AOX1: variants seen among roughly 807,000 people sequenced by gnomAD.
AOX1 encodes the protein aldehyde oxidase 1.
In AOX1, 153 loss-of-function variants were observed where a neutral mutation model predicts 169.5. The ratio of observed to expected loss-of-function variants is 0.90; its 90% CI spans 0.79 to 1.03. AOX1 has a LOEUF of 1.03. Among genes scored for constraint, AOX1 ranks in the 50% least tolerant of loss-of-function variants. The pLI, the probability that AOX1 is intolerant of heterozygous loss-of-function variation, is 0.00. For missense variants in AOX1, 1,656 were observed against 1,663.9 expected (o/e 1.00, Z 0.08); for synonymous variants, 562 against 581.9 (o/e 0.97, Z 0.49).
At chr2:200,594,985 A>C (rs2034251058) in intron 2 of AOX1, among the ~76,000 whole-genome samples, 1 of 152,214 alleles carries the variant, frequency 6.6e-6, no homozygotes, top group Non-Finnish European at 1.5e-5. Context: ...TCAAGTGCTT[A>C]CACATATAGA....
In AOX1 at chr2:200,636,935, C is replaced by T. The variant is rs2035245350; in HGVS notation, c.2371C>T (p.Leu791Phe). The change falls in exon 22 of 35, where the codon CTC becomes TTC. Residue 791 changes from leucine (L) to phenylalanine (F), a missense_variant. Physicochemically the swap from Leu to Phe is conservative, Grantham distance 22 (BLOSUM62 0). Transcript: ENST00000374700. ...IQDIVASTLKLPANKVMCHVR... is the reference protein window; with the variant it reads ...IQDIVASTLKFPANKVMCHVR... ...GGACATTGTTGCCTCAACCTTGAAG[C>T]TCCCAGCTAACAAGGTCATGTGCCA... The T allele has an allele frequency of 6.2e-7, 1 of 1,613,892 alleles. No individual in the cohort carries two copies. Among genetic ancestry groups the T allele is most frequent in the African/African-American group, 1.3e-5 (1 of 74,922 alleles).
chr2:200,673,439 G>T (rs537167713), downstream of AOX1, among the ~76,000 whole-genome samples: 3 of 152,282 alleles, frequency 2.0e-5, no homozygotes, highest in East Asian at 1.9e-4. Flanking sequence ...CATCTATTCA[G>T]GCACGAAATC....
chr2:200,603,342 G>T lies in AOX1; in HGVS notation c.574G>T (p.Glu192Ter). 6.2e-7 allele frequency: 1 copy of T among 1,613,656 alleles called. No homozygotes were observed. The highest frequency in any genetic ancestry group is 8.5e-7 in the Non-Finnish European group (1 of 1,179,626). ...AGGAATCAATGGATTGCCAGAATTT[G>T]AGGAAGGAAGTAAGGTCAGTGAAAT... ...DQGINGLPEF[E>*]EGSKTSPKLF... The change falls in exon 7 of 35, where the codon GAG becomes TAG. Residue 192 changes from glutamate to a stop codon, truncating the protein, a stop_gained. Coordinates refer to ENST00000374700, the MANE Select transcript of AOX1 (RefSeq NM_001159.4). LOFTEE classifies it high-confidence loss of function.
At chr2:200,638,130 C>T (rs1448504372) in intron 22 of AOX1, 85 bp from the exon 23 acceptor site, 3 of 1,234,728 alleles carry the variant, frequency 2.4e-6, no homozygotes, top group East Asian at 4.8e-5. Flanking sequence ...AGGCTCCACT[C>T]AGGCTCTTGC....
At chr2:200,656,968 G>A (rs1372118853) in intron 27 of AOX1, 31 bp downstream of exon 27, 2 of 1,431,492 alleles carry the variant, frequency 1.4e-6, no homozygotes, top group East Asian at 2.4e-5. Flanking sequence ...ATTGAGTTGG[G>A]TGTGTGCTTA....
intron 2 of AOX1, among the ~76,000 whole-genome samples, chr2:200,594,100 G>A (rs981332980): frequency 5.3e-5 from 8 of 152,162 alleles, no homozygotes; most frequent in African/African-American, 1.9e-4. Context: ...CTGTGGGAAA[G>A]GAAGTAGGGA....
intron 20 of AOX1, 38 bp downstream of exon 20, chr2:200,627,487 TTC>T: frequency 2.1e-6 from 3 of 1,440,732 alleles, no homozygotes; most frequent in Non-Finnish European, 2.9e-6. Context: ...CCTGGAAGTC[TTC>T]TAAGCATGTC....
downstream of AOX1, among the ~76,000 whole-genome samples, chr2:200,675,477 G>T (rs555028748): frequency 3.9e-5 from 6 of 152,250 alleles, no homozygotes; most frequent in South Asian, 1.2e-3. Flanking sequence ...GCTGGAGAAG[G>T]CTGTGTACAT....
Position 200,656,848 on chromosome 2 carries a change from G to A in AOX1, c.3082G>A (p.Ala1028Thr). ...LGSRAAGQAA[A>T]LVHIYLDGSV... is the part of the protein sequence containing the mutation. ...TTTCGTCTTTTCTGCTCAGGCTGCTGCCTTGGTTCACATTTATCTTGATGG... is the reference window on the plus strand; with the variant it reads ...TTTCGTCTTTTCTGCTCAGGCTGCTACCTTGGTTCACATTTATCTTGATGG... The change falls in exon 27 of 35, where the codon GCC becomes ACC. Residue 1028 changes from alanine (A) to threonine (T), a missense_variant. Ala to Thr is a moderately conservative substitution (Grantham distance 58). Transcript: ENST00000374700. 6.3e-7 allele frequency: 1 copy of A among 1,577,346 alleles called. No individual in the cohort carries two copies. Among genetic ancestry groups the A allele is most frequent in the East Asian group, 2.3e-5 (1 of 42,958 alleles).
intron 8 of AOX1, among the ~76,000 whole-genome samples, chr2:200,604,311 A>T (rs2034471919): frequency 6.6e-6 from 1 of 152,236 alleles, no homozygotes; most frequent in African/African-American, 2.4e-5. Flanking sequence ...TGTAAGAAGC[A>T]GCAGATAGCT....
At chr2:200,608,640 T>G (rs2034565573) in intron 10 of AOX1, among the ~76,000 whole-genome samples, 1 of 152,132 alleles carries the variant, frequency 6.6e-6, no homozygotes, top group Admixed American at 6.6e-5. Flanking sequence ...TCTAAAGCAT[T>G]CAACATAATA....
At chr2:200,668,955 G>C in intron 33 of AOX1, 152 bp downstream of exon 33, 1 of 674,220 alleles carries the variant, frequency 1.5e-6, no homozygotes, top group Non-Finnish European at 2.4e-6. Flanking sequence ...CTAACATTAT[G>C]ATAAAAATTT....
At chr2:200,596,423 GTC>G (rs1488826212) in intron 3 of AOX1, among the ~76,000 whole-genome samples, 5 of 152,132 alleles carry the variant, frequency 3.3e-5, no homozygotes, top group Non-Finnish European at 5.9e-5. Context: ...CAGTTCTCCT[GTC>G]TCTCCCCCAG....
Position 200,608,970 on chromosome 2 carries a change from T to A in AOX1, c.908-14T>A. The A allele has an allele frequency of 6.2e-7, 1 of 1,610,822 alleles. No homozygotes were observed. The highest frequency in any genetic ancestry group is 8.5e-7 in the Non-Finnish European group (1 of 1,178,828). Reference sequence around the variant, plus strand: ...GTGATCGCACTGTGTTATTTACAAATGACTTCATTTCAGGACTCACCCTTG... The same window carrying A: ...GTGATCGCACTGTGTTATTTACAAAAGACTTCATTTCAGGACTCACCCTTG... On this transcript the variant is annotated splice_polypyrimidine_tract_variant and intron_variant, in intron 10 of 34. Transcript: ENST00000374700.
chr2:200,666,757 G>C lies in AOX1; in HGVS notation c.3609+5G>C. The C allele has an allele frequency of 6.2e-7, 1 of 1,607,004 alleles. No homozygotes were observed. Among genetic ancestry groups the C allele is most frequent in the Non-Finnish European group, 8.5e-7 (1 of 1,176,716 alleles). On this transcript the variant is annotated splice_donor_5th_base_variant and intron_variant, in intron 32 of 34. Coordinates refer to ENST00000374700, the MANE Select transcript of AOX1 (RefSeq NM_001159.4). ...CCAGCCATTGACATAGGCCAGGTAC[G>C]TGTAACTGATGTGTCTCACTTTCTA...
chr2:200,678,257 G>A, downstream of AOX1: 1 of 152,208 alleles, frequency 6.6e-6, no homozygotes, highest in Admixed American at 6.5e-5. Context: ...AGAACAAAGA[G>A]TATGTTTTGC....
rs763186599 is a variant in AOX1 at position 200,627,430 on chromosome 2, G to T, written c.2202G>T (p.Val734=). The change falls in exon 20 of 35, where the codon GTG becomes GTT. Residue 734 remains valine, a synonymous_variant. Coordinates refer to ENST00000374700, the MANE Select transcript of AOX1 (RefSeq NM_001159.4). ...EYGNVDEAFK[V]VDQILEGEIH... ...GAAATGTTGACGAAGCATTTAAAGT[G>T]GTTGATCAAATTCTTGAAGGTAAAA... 1.2e-6 allele frequency: 2 copies of T among 1,613,116 alleles called. No individual in the cohort carries two copies. The highest frequency in any genetic ancestry group is 1.7e-5 in the Admixed American group (1 of 60,004).
At chr2:200,586,202 G>A (rs754719478) in intron 1 of AOX1, 49 bp downstream of exon 1, 298 of 1,506,704 alleles carry the variant, frequency 2.0e-4, no homozygotes, top group Non-Finnish European at 2.4e-4. Context: ...GCCAGGGCCG[G>A]GGCAGAGAGG....
chr2:200,617,937 C>T (rs769718058), intron 16 of AOX1, among the ~76,000 whole-genome samples: 41 of 152,110 alleles, frequency 2.7e-4, no homozygotes, highest in Non-Finnish European at 5.4e-4. Flanking sequence ...TCCTTTTCAT[C>T]ACTATCTCAG....
Sources: allele counts gnomAD v4.1 joint callset (sites outside exome capture counted in the v4.1 genomes callset), GRCh38; gene constraint gnomAD v4.1.1; transcripts MANE v1.5; gene names NCBI Gene and HGNC (gene_info 2026-07-23, HGNC 2026-07-21).